TANC2: variants seen among roughly 807,000 people sequenced by gnomAD.
TANC2 encodes the protein protein TANC2.
Under a neutral mutation model 210.5 loss-of-function variants are expected in TANC2, and 26 were observed. The ratio of observed to expected loss-of-function variants is 0.12; its 90% CI spans 0.09 to 0.17. The LOEUF (loss-of-function observed/expected upper bound fraction) is 0.17, where lower values mean the gene tolerates loss of function less well. Among genes scored for constraint, TANC2 ranks in the 10% least tolerant of loss-of-function variants. TANC2 has a pLI of 1.00. For synonymous variants in TANC2, 931 were observed against 967.1 expected (o/e 0.96, Z 0.69); for missense variants, 2,129 against 2,608.9 (o/e 0.82, Z 4.01).
rs907986982 is a variant in TANC2, at chr17:62,968,209, A to C, written c.-24+1460A>C. ...TATATGTATACATACAATGAGTGTGAATATACTATATAACAAAAGCAGAAA... is the reference window on the plus strand; with the variant it reads ...TATATGTATACATACAATGAGTGTGCATATACTATATAACAAAAGCAGAAA... On this transcript the variant is annotated intron_variant, in intron 1 of 27. Transcript: ENST00000689528. 1.2e-4 allele frequency among the ~76,000 whole-genome samples: 19 copies of C among 152,356 alleles called. 1 individual carries two copies. Among genetic ancestry groups the C allele is most frequent in the African/African-American group, 4.3e-4 (18 of 41,580 alleles).
intron 1 of TANC2, among the ~76,000 whole-genome samples, chr17:63,000,933 A>G (rs1164421039): frequency 1.3e-5 from 2 of 149,964 alleles, no homozygotes; most frequent in Non-Finnish European, 3.0e-5. Flanking sequence ...TTACTTTTCT[A>G]TATATTGAAG....
intron 2 of TANC2, among the ~76,000 whole-genome samples, chr17:63,043,667 A>G (rs1330321592): frequency 6.6e-6 from 1 of 152,156 alleles, no homozygotes; most frequent in Non-Finnish European, 1.5e-5. Context: ...CATACATTAT[A>G]TGTATATTCT....
At chr17:63,293,940 G>A (rs1429234721) in intron 9 of TANC2, among the ~76,000 whole-genome samples, 2 of 151,956 alleles carry the variant, frequency 1.3e-5, no homozygotes, top group Non-Finnish European at 1.5e-5. Flanking sequence ...TGTTATCCAG[G>A]CTCATCTTAA....
chr17:63,133,055 C>G (rs2038972446), intron 4 of TANC2, among the ~76,000 whole-genome samples: 1 of 152,190 alleles, frequency 6.6e-6, no homozygotes, highest in Non-Finnish European at 1.5e-5. Context: ...CTCACTGCAA[C>G]CTCCGCCTTC....
chr17:63,143,678 C>T (rs909568750), intron 4 of TANC2, among the ~76,000 whole-genome samples: 1 of 152,022 alleles, frequency 6.6e-6, no homozygotes, highest in Non-Finnish European at 1.5e-5. Context: ...TTCTTTGTAA[C>T]AATTTGCTGT....
In TANC2 at chr17:63,418,412, GGAGA is replaced by G. The variant is rs146027478; in HGVS notation, c.4268+15_4268+18del. The G allele has an allele frequency of 6.2e-6, 10 of 1,606,144 alleles. No individual in the cohort carries two copies. Among genetic ancestry groups the G allele is most frequent in the Middle Eastern group, 1.6e-4 (1 of 6,070 alleles). On this transcript the variant is annotated splice_donor_region_variant and intron_variant, in intron 27 of 27. Coordinates refer to ENST00000689528, the Ensembl canonical transcript of TANC2. The surrounding 1 kb of genome is among the most constrained non-coding windows in gnomAD (Gnocchi z 4.6). ...AAGGGCAAAACGCAGCAGCAGGTGA[GGAGA>G]GAGAGAGAGGGTGAAAGCAAGAGGT...
intron 2 of TANC2, among the ~76,000 whole-genome samples, chr17:63,017,859 C>T (rs2034175091): frequency 6.6e-6 from 1 of 152,062 alleles, no homozygotes; most frequent in Admixed American, 6.6e-5. Flanking sequence ...ATGACAGCAG[C>T]AGCAGGGCGC....
At chr17:63,050,679 TC>T (rs1251236314) in intron 2 of TANC2, among the ~76,000 whole-genome samples, 1 of 152,102 alleles carries the variant, frequency 6.6e-6, no homozygotes, top group Non-Finnish European at 1.5e-5. Flanking sequence ...AGAGAAGACT[TC>T]AAGAAAGAAA....
At chr17:63,258,328 T>G (rs1226953523) in intron 8 of TANC2, among the ~76,000 whole-genome samples, 1 of 152,178 alleles carries the variant, frequency 6.6e-6, no homozygotes, top group Admixed American at 6.5e-5. Context: ...ATAGTCTTAT[T>G]TGGGTTAAAT....
chr17:63,113,307 T>C (rs2038123736), intron 4 of TANC2, among the ~76,000 whole-genome samples: 1 of 152,168 alleles, frequency 6.6e-6, no homozygotes, highest in African/African-American at 2.4e-5. Context: ...ATTCAGCCCA[T>C]AAGAGTAATA....
chr17:63,209,278 G>C (rs1026681186), intron 7 of TANC2, among the ~76,000 whole-genome samples: 1 of 151,762 alleles, frequency 6.6e-6, no homozygotes, highest in African/African-American at 2.4e-5. Context: ...CTCCAAAAGT[G>C]CTGGGATTAC....
chr17:63,390,691 G>C (rs4968644), intron 17 of TANC2: 90,843 of 151,876 alleles, frequency 0.6, 29,676 homozygotes, highest in African/African-American at 0.86. Flanking sequence ...GCTAAAACTC[G>C]TTGGATCAAG....
chr17:63,152,122 A>G (rs1417178509), intron 5 of TANC2: 1 of 152,204 alleles, frequency 6.6e-6, no homozygotes, highest in East Asian at 1.9e-4. Context: ...CTAGCTGAGT[A>G]TACAGATTAG....
chr17:63,311,772 A>G (rs948433450), intron 9 of TANC2, among the ~76,000 whole-genome samples: 1 of 152,276 alleles, frequency 6.6e-6, no homozygotes, highest in Non-Finnish European at 1.5e-5. Context: ...GTATATCCAT[A>G]CAATGGAATA....
At chr17:63,145,930 GA>G (rs201029248) in intron 4 of TANC2, among the ~76,000 whole-genome samples, 8 of 150,908 alleles carry the variant, frequency 5.3e-5, no homozygotes, top group Middle Eastern at 3.5e-3. Context: ...TATTTCTGGG[GA>G]AAAAAAAAGT....
intron 6 of TANC2, among the ~76,000 whole-genome samples, chr17:63,200,389 G>GAA (rs2041493098): frequency 7.0e-6 from 1 of 143,042 alleles, no homozygotes; most frequent in East Asian, 2.0e-4. Flanking sequence ...AAGAAAGAAA[G>GAA]AAAATTATTA....
At chr17:63,051,507 G>A (rs773567758) in intron 2 of TANC2, among the ~76,000 whole-genome samples, 2 of 152,138 alleles carry the variant, frequency 1.3e-5, no homozygotes, top group Non-Finnish European at 2.9e-5. Context: ...TGTTGAGGGG[G>A]ATACATGTGG....
chr17:63,318,604 C>CT (rs1190624334), intron 10 of TANC2, among the ~76,000 whole-genome samples: 2 of 152,052 alleles, frequency 1.3e-5, no homozygotes, highest in East Asian at 1.9e-4. Context: ...ATATATGGTC[C>CT]TTTTTTTTAC....
chr17:63,325,115 T>C (rs998531529), intron 11 of TANC2, among the ~76,000 whole-genome samples: 3 of 151,886 alleles, frequency 2.0e-5, no homozygotes, highest in Non-Finnish European at 2.9e-5. Flanking sequence ...CTGTCTACTA[T>C]AGGATATTTA....
Sources: gnomAD v4.1 joint callset for allele counts (sites outside exome capture counted in the v4.1 genomes callset) on GRCh38, gnomAD v4.1.1 for gene constraint, Gnocchi (gnomAD v3.1) non-coding constraint, MANE v1.5 for transcripts, NCBI Gene and HGNC (gene_info 2026-07-23, HGNC 2026-07-21) for gene names.